The following RPH3AL variants were observed in gnomAD, a reference collection of about 807,000 sequenced individuals.
The protein encoded by RPH3AL is rab effector Noc2.
RPH3AL carries 38 observed loss-of-function variants against 43.1 expected under a neutral mutation model. That is an observed-to-expected ratio of 0.88 (90% CI 0.68 to 1.15). RPH3AL has a LOEUF of 1.15. RPH3AL is among the 50% of genes most tolerant of loss of function. RPH3AL has a pLI of 0.00. For missense variants in RPH3AL, 462 were observed against 423.2 expected, an observed-to-expected ratio of 1.09 and a Z score of -0.81; for synonymous variants, 189 against 176.3, an observed-to-expected ratio of 1.07 and a Z score of -0.57.
At chr17:291,828 G>A (rs767881245) in intron 5 of RPH3AL, among the ~76,000 whole-genome samples, 6 of 152,260 alleles carry the variant, frequency 3.9e-5, no homozygotes, top group Non-Finnish European at 7.3e-5. Context: ...ATAGCAGGGC[G>A]CTCCACCACG....
chr17:219,747 C>G lies in RPH3AL; in HGVS notation c.614-11G>C, dbSNP rs781459378. 13 of 1,602,884 alleles carry G rather than the reference C, an allele frequency of 8.1e-6. No individual in the cohort carries two copies. Among genetic ancestry groups the G allele is most frequent in the Middle Eastern group, 3.3e-4 (2 of 6,044 alleles). On this transcript the variant is annotated splice_polypyrimidine_tract_variant and intron_variant, in intron 7 of 9. Transcript: ENST00000331302. ...TGTCACTGGAAACCACTGGAAGAGACAGACCACAGCACAGGAGGTCACCCG... is the reference window on the plus strand; with the variant it reads ...TGTCACTGGAAACCACTGGAAGAGAGAGACCACAGCACAGGAGGTCACCCG...
chr17:252,449 GT>G (rs1413842185), intron 6 of RPH3AL, among the ~76,000 whole-genome samples: 1 of 151,988 alleles, frequency 6.6e-6, no homozygotes, highest in South Asian at 2.1e-4. Flanking sequence ...TTTGTTTTTT[GT>G]TTTTTTGAAA....
chr17:235,123 C>T (rs977764522), intron 7 of RPH3AL, among the ~76,000 whole-genome samples: 14 of 146,198 alleles, frequency 9.6e-5, no homozygotes, highest in African/African-American at 2.8e-4. Flanking sequence ...TGGGGTCGGC[C>T]GAGGCTCTGC....
At chr17:324,702 G>GCTAGCTAGCTAGCTAGCTATCTAT (rs1301592247) in intron 3 of RPH3AL, among the ~76,000 whole-genome samples, 2 of 119,924 alleles carry the variant, frequency 1.7e-5, no homozygotes, top group African/African-American at 5.9e-5. Context: ...TAGCTAGCTA[G>GCTAGCTAGCTAGCTAGCTATCTAT]CTATGTACCT....
chr17:271,570 C>T (rs934326221), intron 6 of RPH3AL, among the ~76,000 whole-genome samples: 1 of 152,052 alleles, frequency 6.6e-6, no homozygotes, highest in Non-Finnish European at 1.5e-5. Context: ...TGATTTGGTA[C>T]TCTGTTATTG....
At chr17:349,478 C>T (rs187470804) in intron 1 of RPH3AL, 23 of 152,278 alleles carry the variant, frequency 1.5e-4, no homozygotes, top group African/African-American at 3.4e-4. Context: ...AAACTCAAAA[C>T]GGCTCTAAGG....
At chr17:310,765 C>T (rs766454835) in intron 5 of RPH3AL, among the ~76,000 whole-genome samples, 2 of 152,186 alleles carry the variant, frequency 1.3e-5, no homozygotes, top group African/African-American at 2.4e-5. Context: ...AGTCGGTGTG[C>T]GATAAATATT....
chr17:343,269 T>G (rs2151732060), intron 1 of RPH3AL, among the ~76,000 whole-genome samples: 1 of 152,294 alleles, frequency 6.6e-6, no homozygotes, highest in Middle Eastern at 3.4e-3. Context: ...CTGAGGGCTG[T>G]GGAGTCAGTC....
At chr17:259,207 A>T (rs1231142548) in intron 6 of RPH3AL, among the ~76,000 whole-genome samples, 11 of 152,308 alleles carry the variant, frequency 7.2e-5, no homozygotes, top group African/African-American at 2.4e-4. Flanking sequence ...CAGCGTGAGG[A>T]GCAGCAGTTC....
chr17:315,019 C>T (rs879348229), intron 5 of RPH3AL, among the ~76,000 whole-genome samples: 13 of 81,262 alleles, frequency 1.6e-4, no homozygotes, highest in Admixed American at 4.1e-4. Flanking sequence ...TGTGCTCCAC[C>T]TCCATTGACC....
intron 1 of RPH3AL, chr17:338,868 G>C (rs939494643): frequency 6.6e-6 from 1 of 152,258 alleles, no homozygotes; most frequent in Non-Finnish European, 1.5e-5. Flanking sequence ...CTCCTCACCC[G>C]CTTGGAAAAG....
chr17:240,025 G>A (rs1301739811), intron 7 of RPH3AL, among the ~76,000 whole-genome samples: 2 of 152,118 alleles, frequency 1.3e-5, no homozygotes, highest in Non-Finnish European at 2.9e-5. Flanking sequence ...ATCACCTGAT[G>A]TCAGGAGTTC....
intron 7 of RPH3AL, among the ~76,000 whole-genome samples, chr17:241,836 A>C (rs987765163): frequency 1.3e-5 from 2 of 150,936 alleles, no homozygotes; most frequent in Non-Finnish European, 2.9e-5. Context: ...CAAAGAAAGG[A>C]CTGGCATGGT....
intron 4 of RPH3AL, among the ~76,000 whole-genome samples, chr17:321,019 C>T (rs980208451): frequency 5.3e-5 from 8 of 152,214 alleles, no homozygotes; most frequent in African/African-American, 1.9e-4. Context: ...CATTCACGCC[C>T]TCAGCATGGG....
At chr17:241,447 A>G (rs1382802492) in intron 7 of RPH3AL, among the ~76,000 whole-genome samples, 1 of 152,204 alleles carries the variant, frequency 6.6e-6, no homozygotes, top group African/African-American at 2.4e-5. Flanking sequence ...GTCCATCGAT[A>G]GGTGATTAAT....
chr17:233,402 G>C (rs534799704), intron 7 of RPH3AL, among the ~76,000 whole-genome samples: 1 of 152,312 alleles, frequency 6.6e-6, no homozygotes, highest in Non-Finnish European at 1.5e-5. Flanking sequence ...CGCCAAGACT[G>C]TCCGGCCCAG....
At chr17:236,595 C>T (rs925400370) in intron 7 of RPH3AL, among the ~76,000 whole-genome samples, 48 of 152,180 alleles carry the variant, frequency 3.2e-4, no homozygotes, top group Admixed American at 9.2e-4. Flanking sequence ...TGGCAAGCTG[C>T]AGAGCGGGCG....
Position 247,292 on chromosome 17 carries a change from G to A in RPH3AL, c.439-7C>T, listed in dbSNP as rs748787462. On this transcript the variant is annotated splice_polypyrimidine_tract_variant and splice_region_variant and intron_variant, in intron 6 of 9. Coordinates refer to ENST00000331302, the MANE Select transcript of RPH3AL (RefSeq NM_006987.4). ...CCCCCGACCTCTTCCAGACCTGAGT[G>A]GGGGAAGAGAGCTGCTTGGGGCACA... 7.7e-6 allele frequency: 12 copies of A among 1,562,090 alleles called. No individual in the cohort carries two copies. The highest frequency in any genetic ancestry group is 5.5e-5 in the Admixed American group (3 of 54,690).
At chr17:255,888 T>G (rs375584843) in intron 6 of RPH3AL, among the ~76,000 whole-genome samples, 2 of 63,452 alleles carry the variant, frequency 3.2e-5, no homozygotes, top group Non-Finnish European at 7.1e-5. Context: ...CCTAGGAATG[T>G]GACTACCCTA....
Sources: allele counts gnomAD v4.1 joint callset (sites outside exome capture counted in the v4.1 genomes callset), GRCh38; gene constraint gnomAD v4.1.1; transcripts MANE v1.5; gene names NCBI Gene and HGNC (gene_info 2026-07-23, HGNC 2026-07-21).